SUPT3H: variants seen among roughly 807,000 people sequenced by gnomAD.
SUPT3H encodes SPT3 homolog, SAGA and STAGA complex component.
In SUPT3H, 44 loss-of-function variants were observed where a neutral mutation model predicts 44.3. The ratio of observed to expected loss-of-function variants is 0.99; its 90% CI spans 0.78 to 1.28. The LOEUF is 1.28. SUPT3H is among the 50% of genes most tolerant of loss of function. The pLI is 0.00. For missense variants in SUPT3H, 380 were observed against 387.1 expected (o/e 0.98, Z 0.15); for synonymous variants, 124 against 125.6 (o/e 0.99, Z 0.09).
intron 2 of SUPT3H, among the ~76,000 whole-genome samples, chr6:45,167,342 C>A (rs919238105): frequency 6.6e-6 from 1 of 152,218 alleles, no homozygotes; most frequent in Admixed American, 6.5e-5. Flanking sequence ...TGGAACTTTA[C>A]ACCTGGCTCC....
intron 2 of SUPT3H, among the ~76,000 whole-genome samples, chr6:45,233,546 T>G (rs1045379890): frequency 1.3e-5 from 2 of 152,228 alleles, no homozygotes; most frequent in Admixed American, 1.3e-4. Context: ...TGTTAACTGC[T>G]GAGGTTCTCT....
intron 2 of SUPT3H, among the ~76,000 whole-genome samples, chr6:45,362,398 C>G (rs1794419044): frequency 6.6e-6 from 1 of 152,142 alleles, no homozygotes; most frequent in Admixed American, 6.5e-5. Flanking sequence ...CTATGAACAG[C>G]AGCAGTAGGG....
At chr6:45,069,469 G>A (rs945687737) in intron 3 of SUPT3H, among the ~76,000 whole-genome samples, 1 of 152,086 alleles carries the variant, frequency 6.6e-6, no homozygotes, top group African/African-American at 2.4e-5. Context: ...ATATTACTTA[G>A]ATTTATAGGC....
intron 10 of SUPT3H, among the ~76,000 whole-genome samples, chr6:44,850,699 TCAGAATCCAGGGAAGCTGG>T (rs1484727282): frequency 6.6e-6 from 1 of 152,186 alleles, no homozygotes; most frequent in Non-Finnish European, 1.5e-5. Context: ...TCATTGTCAG[TCAGAATCCAGGGAAGCTGG>T]GCTTATTTTG....
At chr6:45,280,684 G>A (rs956184448) in intron 2 of SUPT3H, among the ~76,000 whole-genome samples, 14 of 152,130 alleles carry the variant, frequency 9.2e-5, no homozygotes, top group African/African-American at 3.4e-4. Flanking sequence ...AACATGAACT[G>A]GTAATAAAAG....
chr6:45,179,680 G>C (rs377497765), intron 2 of SUPT3H, among the ~76,000 whole-genome samples: 3,720 of 152,180 alleles, frequency 0.024, 94 homozygotes, highest in South Asian at 0.088. Context: ...ATTCAACAAC[G>C]CTTCATGCTA....
At chr6:45,248,226 A>G (rs1000916376) in intron 2 of SUPT3H, among the ~76,000 whole-genome samples, 1 of 82,666 alleles carries the variant, frequency 1.2e-5, no homozygotes, top group Admixed American at 1.1e-4. Context: ...TATATAAAAG[A>G]AAAAATGACC....
At chr6:45,087,096 C>A (rs1583466102) in intron 3 of SUPT3H, among the ~76,000 whole-genome samples, 1 of 151,798 alleles carries the variant, frequency 6.6e-6, no homozygotes, top group East Asian at 1.9e-4. Context: ...TCTTTTGTAA[C>A]CTTGGCTACA....
intron 2 of SUPT3H, among the ~76,000 whole-genome samples, chr6:45,307,508 G>C (rs139015068): frequency 1.3e-5 from 2 of 152,282 alleles, no homozygotes; most frequent in South Asian, 2.1e-4. Flanking sequence ...AGGCAAACAG[G>C]GTCTGGAGTG....
chr6:45,232,049 T>C (rs533494800), intron 2 of SUPT3H, among the ~76,000 whole-genome samples: 7 of 152,354 alleles, frequency 4.6e-5, no homozygotes, highest in African/African-American at 1.7e-4. Context: ...AGTTTAATTT[T>C]ACATTCTTTT....
chr6:44,999,182 C>T (rs888536968), intron 6 of SUPT3H, among the ~76,000 whole-genome samples: 8 of 151,826 alleles, frequency 5.3e-5, no homozygotes, highest in South Asian at 4.2e-4. Context: ...TGAGAGAAAG[C>T]GACAGTAAGA....
chr6:45,115,225 G>A (rs973479596), intron 2 of SUPT3H, among the ~76,000 whole-genome samples: 14 of 151,980 alleles, frequency 9.2e-5, no homozygotes, highest in African/African-American at 3.1e-4. Flanking sequence ...ACATTTACCC[G>A]GGGAGTCAGC....
chr6:45,350,719 A>C (rs1791838755), intron 2 of SUPT3H, among the ~76,000 whole-genome samples: 1 of 152,216 alleles, frequency 6.6e-6, no homozygotes, highest in African/African-American at 2.4e-5. Context: ...AACACATGAA[A>C]ACAACAAAAA....
intron 2 of SUPT3H, among the ~76,000 whole-genome samples, chr6:45,285,128 C>T (rs1778988768): frequency 1.3e-5 from 2 of 151,762 alleles, no homozygotes; most frequent in South Asian, 4.2e-4. Flanking sequence ...AAACCCACAG[C>T]CAATATCATA....
intron 2 of SUPT3H, among the ~76,000 whole-genome samples, chr6:45,167,817 A>T (rs572284086): frequency 7.0e-5 from 10 of 143,566 alleles, no homozygotes; most frequent in South Asian, 2.2e-4. Flanking sequence ...ATTTTCATTT[A>T]TTTTTTTTTT....
chr6:44,960,678 T>C (rs1775902236), intron 7 of SUPT3H, among the ~76,000 whole-genome samples: 1 of 152,152 alleles, frequency 6.6e-6, no homozygotes, highest in Non-Finnish European at 1.5e-5. Context: ...TGAATGCCAT[T>C]TTTAAACCTA....
intron 2 of SUPT3H, among the ~76,000 whole-genome samples, chr6:45,148,325 A>C (rs1351699843): frequency 6.6e-6 from 1 of 152,186 alleles, no homozygotes; most frequent in Non-Finnish European, 1.5e-5. Flanking sequence ...GAGAAAATCA[A>C]GGCTCTGAGA....
chr6:45,079,288 C>T (rs1032225449), intron 3 of SUPT3H, among the ~76,000 whole-genome samples: 4 of 151,728 alleles, frequency 2.6e-5, no homozygotes, highest in South Asian at 2.1e-4. Context: ...CCAGCCTGGG[C>T]GCCAGAGTGA....
At chr6:45,094,844 C>A (rs1797592643) in intron 3 of SUPT3H, among the ~76,000 whole-genome samples, 1 of 151,990 alleles carries the variant, frequency 6.6e-6, no homozygotes, top group Non-Finnish European at 1.5e-5. Flanking sequence ...TTCCATAATA[C>A]TTCATTTTTA....
Sources: allele counts gnomAD v4.1 joint callset (sites outside exome capture counted in the v4.1 genomes callset), GRCh38; gene constraint gnomAD v4.1.1; transcripts MANE v1.5; gene names NCBI Gene and HGNC (gene_info 2026-07-23, HGNC 2026-07-21).